Variants in GET3 observed in about 807,000 individuals in gnomAD.
GET3 encodes ATPase GET3.
Under a neutral mutation model 32.4 loss-of-function variants are expected in GET3, and 15 were observed. The ratio of observed to expected loss-of-function variants is 0.46; its 90% CI spans 0.31 to 0.71. GET3 has a LOEUF of 0.71. GET3 is among the 30% of genes least tolerant of loss of function. The pLI is 0.05. For missense variants in GET3, 333 were observed against 459.0 expected (o/e 0.73, Z 2.51); for synonymous variants, 198 against 185.6 (o/e 1.07, Z -0.54).
In GET3 at chr19:12,745,770, G is replaced by C. The variant is rs372709551; in HGVS notation, c.609+11G>C. On this transcript the variant is annotated intron_variant, in intron 4 of 6. Coordinates refer to ENST00000357332, the MANE Select transcript of GET3 (RefSeq NM_004317.4). This position sits in a 1 kb window ranked among gnomAD's most constrained non-coding sequence, Gnocchi z 5.0. ...CCTTTCATCTCACAGGCAGGCGGCG[G>C]GGGCCCCCACCTGCACCATCCAGGC... The C allele has an allele frequency of 1.9e-6, 3 of 1,597,692 alleles. No homozygotes were observed. The Admixed American group carries it at 5.1e-5, about 27-fold the overall frequency.
Position 12,747,132 on chromosome 19 carries a change from A to G in GET3, c.610-65A>G. On this transcript the variant is annotated intron_variant, in intron 4 of 6. Transcript: ENST00000357332. The surrounding 1 kb of genome is among the most constrained non-coding windows in gnomAD (Gnocchi z 4.0). Reference sequence around the variant, plus strand: ...ATCAGGAGTCATCCCTCGGGTGTTTAGTGAACCCCCAACCCAGGAGGTCGC... The same window carrying G: ...ATCAGGAGTCATCCCTCGGGTGTTTGGTGAACCCCCAACCCAGGAGGTCGC... The G allele has an allele frequency of 7.1e-7, 1 of 1,406,878 alleles. No homozygotes were observed. The highest frequency in any genetic ancestry group is 9.7e-7 in the Non-Finnish European group (1 of 1,030,152). The allele number at this position is 1,406,878 out of a possible 1,614,324, so 87.1% of individuals were successfully genotyped here. A position where few individuals can be genotyped will look rare whatever the true frequency, so the allele number is the denominator to read the frequency against.
chr19:12,746,696 T>G (rs1967777843), intron 4 of GET3, among the ~76,000 whole-genome samples: 1 of 152,142 alleles, frequency 6.6e-6, no homozygotes, highest in East Asian at 1.9e-4. Context: ...TCAAGCCCCT[T>G]AGCTATGGTT....
chr19:12,743,446 C>A (rs889512991), intron 2 of GET3, among the ~76,000 whole-genome samples: 1 of 151,352 alleles, frequency 6.6e-6, no homozygotes. Context: ...ATTGTCCAGC[C>A]TAGACAACAA....
intron 2 of GET3, among the ~76,000 whole-genome samples, chr19:12,742,484 G>A (rs534975806): frequency 2.6e-5 from 4 of 151,158 alleles, no homozygotes; most frequent in Admixed American, 6.6e-5. Context: ...GCGCAATCTC[G>A]GTTCACTGCA....
chr19:12,740,508 C>G (rs1363213587), intron 2 of GET3, among the ~76,000 whole-genome samples: 1 of 151,538 alleles, frequency 6.6e-6, no homozygotes, highest in African/African-American at 2.4e-5. Context: ...AACCTCATCT[C>G]TACTAAAAAT....
rs1967757516 is a variant in GET3 at position 12,745,632 on chromosome 19, C to T, written c.482C>T (p.Ser161Leu). ...VMRLVKGMNFSVVVFDTAPTG... is the reference protein window; with the variant it reads ...VMRLVKGMNFLVVVFDTAPTG... ...AGGCTGGTGAAGGGCATGAACTTCT[C>T]GGTGGTGGTATTTGACACGGCACCC... The change falls in exon 4 of 7, where the codon TCG becomes TTG. Residue 161 changes from serine (S) to leucine (L), a missense_variant. Coordinates refer to ENST00000357332, the MANE Select transcript of GET3 (RefSeq NM_004317.4). The surrounding 1 kb of genome is among the most constrained non-coding windows in gnomAD (Gnocchi z 5.0). 4.3e-6 allele frequency: 7 copies of T among 1,612,532 alleles called. No individual in the cohort carries two copies. The highest frequency in any genetic ancestry group is 1.3e-5 in the African/African-American group (1 of 74,828).
Position 12,747,635 on chromosome 19 carries a change from G to C in GET3, c.915+43G>C, listed in dbSNP as rs1599453783. 6.3e-7 allele frequency: 1 copy of C among 1,590,216 alleles called. No homozygotes were observed. The highest frequency in any genetic ancestry group is 1.3e-5 in the African/African-American group (1 of 74,148). ...GCACTGGCTCAGCAGAGGCACCTCTGCCCCTTTATTCTCTGATCTTTTGCT... is the reference window on the plus strand; with the variant it reads ...GCACTGGCTCAGCAGAGGCACCTCTCCCCCTTTATTCTCTGATCTTTTGCT... On this transcript the variant is annotated intron_variant, in intron 6 of 6. Coordinates refer to ENST00000357332, the MANE Select transcript of GET3 (RefSeq NM_004317.4). This position sits in a 1 kb window ranked among gnomAD's most constrained non-coding sequence, Gnocchi z 4.0.
At chr19:12,743,789 C>T (rs1356371761) in intron 2 of GET3, among the ~76,000 whole-genome samples, 2 of 110,052 alleles carry the variant, frequency 1.8e-5, no homozygotes, top group Non-Finnish European at 3.5e-5. Context: ...AGTGCAGTGG[C>T]GTGATCTCAG....
intron 2 of GET3, among the ~76,000 whole-genome samples, chr19:12,739,742 G>A (rs755024285): frequency 2.6e-5 from 4 of 152,062 alleles, no homozygotes; most frequent in Non-Finnish European, 4.4e-5. Context: ...TCTCAAGGGT[G>A]GCATTTAAAG....
At position 12,747,209 on chromosome 19, in the gene GET3, C is replaced by G; in HGVS notation, c.622C>G (p.Leu208Val). Residue 208 changes from leucine (L) to valine (V), a missense_variant, in exon 5 of 7, where the codon CTG (leucine) becomes GTG (valine). Transcript: ENST00000357332. This position sits in a 1 kb window ranked among gnomAD's most constrained non-coding sequence, Gnocchi z 4.0. Reference protein sequence around the residue: ...SPFISQMCNMLGLGDMNADQL... With the variant: ...SPFISQMCNMVGLGDMNADQL... Reference sequence around the variant, plus strand: ...ATCCCCCCTGCAGATGTGCAACATGCTGGGCCTGGGGGACATGAACGCAGA... The same window carrying G: ...ATCCCCCCTGCAGATGTGCAACATGGTGGGCCTGGGGGACATGAACGCAGA... 1.9e-6 allele frequency: 3 copies of G among 1,604,066 alleles called. No individual in the cohort carries two copies. The highest frequency in any genetic ancestry group is 2.6e-6 in the Non-Finnish European group (3 of 1,175,314).
Position 12,747,155 on chromosome 19 carries a change from C to T in GET3, c.610-42C>T, listed in dbSNP as rs8177492. 35 of 1,524,242 alleles carry T rather than the reference C, an allele frequency of 2.3e-5. 1 individual carries two copies. The highest frequency in any genetic ancestry group is 5.1e-5 in the South Asian group (4 of 78,680). The allele number at this position is 1,524,242 out of a possible 1,614,324, so 94.4% of individuals were successfully genotyped here. A position where few individuals can be genotyped will look rare whatever the true frequency, so the allele number is the denominator to read the frequency against. ...TTAGTGAACCCCCAACCCAGGAGGT[C>T]GCCGCAGGTAAGCTATGAGCCCTCC... On this transcript the variant is annotated intron_variant, in intron 4 of 6. Coordinates refer to ENST00000357332, the MANE Select transcript of GET3 (RefSeq NM_004317.4). The surrounding 1 kb of genome is among the most constrained non-coding windows in gnomAD (Gnocchi z 4.0).
chr19:12,741,540 C>T (rs1371198087), intron 2 of GET3, among the ~76,000 whole-genome samples: 2 of 151,514 alleles, frequency 1.3e-5, no homozygotes, highest in Non-Finnish European at 2.9e-5. Flanking sequence ...GGGCAGATCA[C>T]CTGAGGTCGG....
At chr19:12,743,656 G>C (rs1967712071) in intron 2 of GET3, among the ~76,000 whole-genome samples, 1 of 149,972 alleles carries the variant, frequency 6.7e-6, no homozygotes, top group Non-Finnish European at 1.5e-5. Context: ...CAGGTGTGGT[G>C]GCGGGCGCCT....
chr19:12,737,261 A>T (rs1157584280), upstream of GET3: 2 of 413,820 alleles, frequency 4.8e-6, no homozygotes, highest in Non-Finnish European at 8.3e-6. Context: ...AGTGAAAGGG[A>T]GTAGCCTAGA....
At chr19:12,737,854 G>C (rs1284930947) in intron 1 of GET3, among the ~76,000 whole-genome samples, 188 bp downstream of exon 1, 1 of 152,170 alleles carries the variant, frequency 6.6e-6, no homozygotes, top group Non-Finnish European at 1.5e-5. Flanking sequence ...CCTCTGAGTT[G>C]GACCATCCGT....
intron 2 of GET3, among the ~76,000 whole-genome samples, chr19:12,744,232 A>G (rs1481752056): frequency 6.6e-6 from 1 of 151,474 alleles, no homozygotes; most frequent in Non-Finnish European, 1.5e-5. Context: ...AAAAAAAAAA[A>G]AAAGAGGGAG....
rs79855123 is a variant in GET3, at chr19:12,747,444, A to G, written c.767A>G (p.Tyr256Cys). Residue 256 changes from tyrosine (Y) to cysteine (C), a missense_variant, in exon 6 of 7, where the codon TAT (tyrosine) becomes TGT (cysteine). Physicochemically the swap from Tyr to Cys is radical, Grantham distance 194. Transcript: ENST00000357332. This position sits in a 1 kb window ranked among gnomAD's most constrained non-coding sequence, Gnocchi z 4.0. ...CVCIAEFLSL[Y>C]ETERLIQELA... ...TGCATTGCTGAGTTCCTGTCCCTGT[A>G]TGAGACAGAGAGGCTGATCCAGGAG... 1 of 1,613,966 alleles carries G rather than the reference A, an allele frequency of 6.2e-7. No individual in the cohort carries two copies. The highest frequency in any genetic ancestry group is 2.2e-5 in the East Asian group (1 of 44,862).
At chr19:12,744,216 C>T (rs1967726736) in intron 2 of GET3, among the ~76,000 whole-genome samples, 1 of 130,026 alleles carries the variant, frequency 7.7e-6, no homozygotes, top group Admixed American at 7.3e-5. Flanking sequence ...AACTCCATCT[C>T]GGGAAAAAAA....
Position 12,748,182 on chromosome 19 carries a change from A to G in GET3, c.*78A>G, listed in dbSNP as rs1967811398. The G allele has an allele frequency of 7.2e-7, 1 of 1,391,022 alleles. No homozygotes were observed. The highest frequency in any genetic ancestry group is 1.4e-5 in the African/African-American group (1 of 69,230). 86.2% of individuals were successfully genotyped at this position (1,391,022 alleles called of 1,614,324 possible). A position where few individuals can be genotyped will look rare whatever the true frequency, so the allele number is the denominator to read the frequency against. On this transcript the variant is annotated 3_prime_UTR_variant, in exon 7 of 7. Transcript: ENST00000357332. The stretch of plus-strand genomic sequence containing the variant: ...CACCCCCTCGGGGCAGAGTTTGCAC[A>G]AAGTCCCCCCCATAATACAGGGGGA...
Sources: allele counts gnomAD v4.1 joint callset (sites outside exome capture counted in the v4.1 genomes callset), GRCh38; gene constraint gnomAD v4.1.1; non-coding constraint Gnocchi (gnomAD v3.1); transcripts MANE v1.5; gene names NCBI Gene and HGNC (gene_info 2026-07-23, HGNC 2026-07-21).